The following ROBO2 variants were observed in gnomAD, a reference collection of about 807,000 sequenced individuals.
ROBO2 encodes the protein roundabout homolog 2.
Under a neutral mutation model 160.8 loss-of-function variants are expected in ROBO2, and 53 were observed. The observed-to-expected ratio is 0.33, with a 90% CI of 0.26 to 0.41. The LOEUF (loss-of-function observed/expected upper bound fraction) is 0.41. ROBO2 is among the 10% of genes least tolerant of loss of function. The probability of loss-of-function intolerance (pLI) is 1.00; values close to 1 mark genes in which losing one functional copy is unlikely to be tolerated. For missense variants in ROBO2, 1,577 were observed against 1,722.4 expected, an observed-to-expected ratio of 0.92 and a Z score of 1.49; for synonymous variants, 664 against 611.7, an observed-to-expected ratio of 1.09 and a Z score of -1.26.
chr3:76,978,581 A>G (rs1046418829), intron 2 of ROBO2, among the ~76,000 whole-genome samples: 26 of 152,152 alleles, frequency 1.7e-4, no homozygotes, highest in Non-Finnish European at 3.2e-4. Flanking sequence ...AGAGAAATCA[A>G]TATTTTTTGG....
intron 20 of ROBO2, among the ~76,000 whole-genome samples, chr3:77,607,389 C>T (rs1357371178): frequency 2.0e-5 from 3 of 152,084 alleles, no homozygotes; most frequent in African/African-American, 7.2e-5. Flanking sequence ...AAAAGTTTAG[C>T]CTATATCCTT....
intron 2 of ROBO2, among the ~76,000 whole-genome samples, chr3:77,277,188 CT>C (rs1245926889): frequency 6.3e-5 from 8 of 126,790 alleles, no homozygotes; most frequent in African/African-American, 2.1e-4. Context: ...TTCTTTCTTT[CT>C]TTCTTTCTTT....
chr3:76,330,185 C>T (rs556810536), intron 2 of ROBO2, among the ~76,000 whole-genome samples: 1 of 152,056 alleles, frequency 6.6e-6, no homozygotes, highest in African/African-American at 2.4e-5. Flanking sequence ...TAAAAAGGAA[C>T]ATAAAGTAAA....
At chr3:76,845,150 AG>A (rs1295178528) in intron 2 of ROBO2, among the ~76,000 whole-genome samples, 3 of 152,130 alleles carry the variant, frequency 2.0e-5, no homozygotes, top group African/African-American at 4.8e-5. Flanking sequence ...GTGGTTAAAA[AG>A]GATAACTTTT....
intron 2 of ROBO2, among the ~76,000 whole-genome samples, chr3:76,419,997 C>G (rs1253649778): frequency 6.6e-6 from 1 of 152,106 alleles, no homozygotes; most frequent in African/African-American, 2.4e-5. Context: ...ATTCTCTGGA[C>G]TATATGCAGT....
chr3:77,160,127 C>A (rs1263980471), intron 2 of ROBO2, among the ~76,000 whole-genome samples: 2 of 151,994 alleles, frequency 1.3e-5, no homozygotes, highest in Non-Finnish European at 1.5e-5. Context: ...ATTATAGTTT[C>A]TCTGGCGATT....
At chr3:76,088,190 G>T (rs564457828) in intron 2 of ROBO2, among the ~76,000 whole-genome samples, 1 of 152,034 alleles carries the variant, frequency 6.6e-6, no homozygotes, top group African/African-American at 2.4e-5. Context: ...TCCTTAGTGC[G>T]TATGCACCTA....
chr3:76,120,859 T>C (rs1256813751), intron 2 of ROBO2, among the ~76,000 whole-genome samples: 2 of 152,130 alleles, frequency 1.3e-5, no homozygotes, highest in Non-Finnish European at 2.9e-5. Context: ...AGTATAAGAG[T>C]TCCTTCTACA....
chr3:76,543,026 A>G (rs146378635), intron 2 of ROBO2, among the ~76,000 whole-genome samples: 2,291 of 152,214 alleles, frequency 0.015, 17 homozygotes, highest in South Asian at 0.03. Context: ...TGAAACAATG[A>G]TGTTTCTCAG....
intron 2 of ROBO2, among the ~76,000 whole-genome samples, chr3:76,531,620 C>CTTTTT (rs74266991): frequency 3.3e-5 from 4 of 121,856 alleles, no homozygotes; most frequent in Non-Finnish European, 3.5e-5. Flanking sequence ...TGTACAGTTT[C>CTTTTT]TTTTTTTTTT....
chr3:76,067,865 A>G (rs2068310185), intron 2 of ROBO2, among the ~76,000 whole-genome samples: 1 of 152,190 alleles, frequency 6.6e-6, no homozygotes, highest in Non-Finnish European at 1.5e-5. Context: ...TTATCTGGCA[A>G]ACTTACTGAG....
chr3:75,919,077 G>A (rs1472261866), intron 1 of ROBO2, among the ~76,000 whole-genome samples: 2 of 152,102 alleles, frequency 1.3e-5, no homozygotes, highest in Non-Finnish European at 2.9e-5. Flanking sequence ...ATACTATGTT[G>A]AGTAAGAGTG....
intron 2 of ROBO2, among the ~76,000 whole-genome samples, chr3:75,938,977 CAGT>C (rs1947916221): frequency 6.6e-6 from 1 of 152,120 alleles, no homozygotes; most frequent in Non-Finnish European, 1.5e-5. Flanking sequence ...AATATGTAGA[CAGT>C]AGCCACGTTG....
intron 2 of ROBO2, among the ~76,000 whole-genome samples, chr3:76,766,816 G>A (rs1280741874): frequency 6.6e-6 from 1 of 151,498 alleles, no homozygotes; most frequent in Non-Finnish European, 1.5e-5. Flanking sequence ...ATTGCTGTCT[G>A]CTGGGTAATT....
intron 2 of ROBO2, among the ~76,000 whole-genome samples, chr3:76,769,511 G>A (rs780003612): frequency 4.6e-5 from 7 of 151,300 alleles, no homozygotes; most frequent in Non-Finnish European, 8.9e-5. Context: ...TTGTTTATTT[G>A]TAAATCATAA....
At chr3:76,587,808 T>C (rs2086150632) in intron 2 of ROBO2, among the ~76,000 whole-genome samples, 1 of 152,184 alleles carries the variant, frequency 6.6e-6, no homozygotes, top group Non-Finnish European at 1.5e-5. Flanking sequence ...CAGTCTTTAT[T>C]TTACACTCTC....
At chr3:77,151,489 T>C (rs545485970) in intron 2 of ROBO2, among the ~76,000 whole-genome samples, 1 of 152,256 alleles carries the variant, frequency 6.6e-6, no homozygotes, top group South Asian at 2.1e-4. Context: ...TTATCAAGCT[T>C]TCTCTCATTC....
intron 2 of ROBO2, among the ~76,000 whole-genome samples, chr3:76,628,796 T>C (rs1348079704): frequency 1.3e-5 from 2 of 152,192 alleles, no homozygotes; most frequent in African/African-American, 2.4e-5. Flanking sequence ...TCTGTTTCAG[T>C]TTTCCAATTT....
intron 2 of ROBO2, among the ~76,000 whole-genome samples, chr3:76,234,595 A>G (rs1704824466): frequency 6.6e-6 from 1 of 152,114 alleles, no homozygotes; most frequent in Non-Finnish European, 1.5e-5. Context: ...TTGAGATGGT[A>G]TCTCATTGTG....
Sources: gnomAD v4.1 joint callset for allele counts (sites outside exome capture counted in the v4.1 genomes callset) on GRCh38, gnomAD v4.1.1 for gene constraint, MANE v1.5 for transcripts, NCBI Gene and HGNC (gene_info 2026-07-23, HGNC 2026-07-21) for gene names.